The following PCDHGA7 variants were observed in gnomAD, a reference collection of about 807,000 sequenced individuals.
The protein encoded by PCDHGA7 is protocadherin gamma subfamily A, 7.
PCDHGA7 carries 44 observed loss-of-function variants against 58.3 expected under a neutral mutation model. The ratio of observed to expected loss-of-function variants is 0.75; its 90% CI spans 0.59 to 0.97. The LOEUF (loss-of-function observed/expected upper bound fraction) is 0.97, where lower values mean the gene tolerates loss of function less well. Ranked by LOEUF, PCDHGA7 falls within the 50% of genes least tolerant of loss-of-function variation. The pLI, the probability that PCDHGA7 is intolerant of heterozygous loss-of-function variation, is 0.00. For synonymous variants in PCDHGA7, 516 were observed against 504.2 expected (o/e 1.02, Z -0.31); for missense variants, 1,266 against 1,188.7 (o/e 1.06, Z -0.96).
intron 1 of PCDHGA7, chr5:141,422,767 G>T: frequency 6.2e-7 from 1 of 1,613,786 alleles, no homozygotes; most frequent in Non-Finnish European, 8.5e-7. Context: ...CAACACTGGT[G>T]TTCTCTATGC....
Position 141,491,170 on chromosome 5 carries a change from G to A in PCDHGA7, c.2425-3637G>A. The stretch of plus-strand genomic sequence containing the variant: ...GGAGGATGACTCTGACACCCAGCAG[G>A]TGGTGGTCCTGGTGAGGGACAATGG... On this transcript the variant is annotated intron_variant, in intron 1 of 3. Coordinates refer to ENST00000518325, the MANE Select transcript of PCDHGA7 (RefSeq NM_018920.4). The surrounding 1 kb of genome is among the most constrained non-coding windows in gnomAD (Gnocchi z 6.9). 6.2e-7 allele frequency: 1 copy of A among 1,614,176 alleles called. No individual in the cohort carries two copies. Among genetic ancestry groups the A allele is most frequent in the Non-Finnish European group, 8.5e-7 (1 of 1,179,996 alleles).
In PCDHGA7 at chr5:141,490,000, A is replaced by G. The variant is rs762999106; in HGVS notation, c.2425-4807A>G. The G allele has an allele frequency of 6.2e-7, 1 of 1,614,198 alleles. No individual in the cohort carries two copies. Among genetic ancestry groups the G allele is most frequent in the Admixed American group, 1.7e-5 (1 of 60,032 alleles). ...AGTTCTACGTGTGGGAATCCCAGAG[A>G]ATGCACCCATTGGTACTCTGCTGCT... On this transcript the variant is annotated intron_variant, in intron 1 of 3. Coordinates refer to ENST00000518325, the MANE Select transcript of PCDHGA7 (RefSeq NM_018920.4). The surrounding 1 kb of genome is among the most constrained non-coding windows in gnomAD (Gnocchi z 4.5).
intron 1 of PCDHGA7, among the ~76,000 whole-genome samples, chr5:141,437,064 G>T (rs1380953110): frequency 6.6e-6 from 1 of 152,170 alleles, no homozygotes; most frequent in Non-Finnish European, 1.5e-5. Flanking sequence ...ATCATTATTT[G>T]GTTTGGGCCA....
rs189987196 is a variant in PCDHGA7, at chr5:141,420,754, C to T, written c.2424+35431C>T. Among the ~76,000 whole-genome samples, 291 of 152,292 alleles carry T rather than the reference C, an allele frequency of 1.9e-3. 2 individuals carry two copies. The highest frequency in any genetic ancestry group is 3.6e-3 in the Non-Finnish European group (248 of 68,020). On this transcript the variant is annotated intron_variant, in intron 1 of 3. Coordinates refer to ENST00000518325, the MANE Select transcript of PCDHGA7 (RefSeq NM_018920.4). ...TAAAATCAATTGGAACCAACTACAA[C>T]CTACAAGTTTTCAGCTCCAGTAATA... is the stretch of plus-strand genomic sequence containing the variant.
rs2099883943 is a variant in PCDHGA7, at chr5:141,511,766, G to A, written c.*593G>A. ...TGGAGGACATGATCACCATCCCCAT[G>A]GTACTGATGCTTGCTGGATTTAGGG... On this transcript the variant is annotated 3_prime_UTR_variant, in exon 4 of 4. Coordinates refer to ENST00000518325, the MANE Select transcript of PCDHGA7 (RefSeq NM_018920.4). 2 of 161,712 alleles carry A rather than the reference G, an allele frequency of 1.2e-5. No homozygotes were observed. Among genetic ancestry groups the A allele is most frequent in the Non-Finnish European group, 2.8e-5 (2 of 72,704 alleles). The allele number at this position is 161,712 out of a possible 1,614,324, so 10.0% of individuals were successfully genotyped here.
chr5:141,392,841 C>A (rs1464167244), intron 1 of PCDHGA7: 2 of 1,608,680 alleles, frequency 1.2e-6, no homozygotes, highest in Non-Finnish European at 1.7e-6. Flanking sequence ...TCGCCCCAGA[C>A]GCGGCGAGCT....
intron 1 of PCDHGA7, chr5:141,397,890 A>G: frequency 3.2e-6 from 2 of 628,782 alleles, no homozygotes; most frequent in Non-Finnish European, 5.3e-6. Context: ...GCTGTTGGCC[A>G]AAGTGCAGAG....
In PCDHGA7 at chr5:141,486,223, C is replaced by G. The variant is rs1164723634; in HGVS notation, c.2425-8584C>G. ...ACGTAAATGACAATGCCCCTTACATCACAGTGACCTCAGAGCTTGGAACCC... is the reference window on the plus strand; with the variant it reads ...ACGTAAATGACAATGCCCCTTACATGACAGTGACCTCAGAGCTTGGAACCC... On this transcript the variant is annotated intron_variant, in intron 1 of 3. Coordinates refer to ENST00000518325, the MANE Select transcript of PCDHGA7 (RefSeq NM_018920.4). The surrounding 1 kb of genome is among the most constrained non-coding windows in gnomAD (Gnocchi z 5.0). The G allele has an allele frequency of 6.2e-7, 1 of 1,614,148 alleles. No homozygotes were observed. Among genetic ancestry groups the G allele is most frequent in the Admixed American group, 1.7e-5 (1 of 60,032 alleles).
Position 141,487,682 on chromosome 5 carries a change from G to A in PCDHGA7, c.2425-7125G>A, listed in dbSNP as rs757434520. On this transcript the variant is annotated intron_variant, in intron 1 of 3. Transcript: ENST00000518325. This position sits in a 1 kb window ranked among gnomAD's most constrained non-coding sequence, Gnocchi z 5.0. ...TGATCCAGGCATATGGCTAGGCCATGTCCTAGAGAGTACTGGCCTCTCAGT... is the reference window on the plus strand; with the variant it reads ...TGATCCAGGCATATGGCTAGGCCATATCCTAGAGAGTACTGGCCTCTCAGT... The A allele has an allele frequency of 1.2e-6, 2 of 1,607,256 alleles. No individual in the cohort carries two copies. Among genetic ancestry groups the A allele is most frequent in the East Asian group, 4.5e-5 (2 of 44,762 alleles).
rs1247556723 is a variant in PCDHGA7 at position 141,489,841 on chromosome 5, G to A, written c.2425-4966G>A. 6.2e-7 allele frequency: 1 copy of A among 1,614,224 alleles called. No individual in the cohort carries two copies. The highest frequency in any genetic ancestry group is 1.7e-5 in the Admixed American group (1 of 60,032). On this transcript the variant is annotated intron_variant, in intron 1 of 3. Coordinates refer to ENST00000518325, the MANE Select transcript of PCDHGA7 (RefSeq NM_018920.4). The surrounding 1 kb of genome is among the most constrained non-coding windows in gnomAD (Gnocchi z 4.5). Reference sequence around the variant, plus strand: ...AGAGCTGGTGCTAGAGCAGCAGCTGGATCGTGAAGCCCAGGCAAGACATCA... The same window carrying A: ...AGAGCTGGTGCTAGAGCAGCAGCTGAATCGTGAAGCCCAGGCAAGACATCA...
At chr5:141,429,924 A>T (rs2097252885) in intron 1 of PCDHGA7, among the ~76,000 whole-genome samples, 1 of 152,210 alleles carries the variant, frequency 6.6e-6, no homozygotes, top group Admixed American at 6.5e-5. Context: ...GTATTAATAG[A>T]ATTCTGGAGT....
chr5:141,491,537 C>T lies in PCDHGA7; in HGVS notation c.2425-3270C>T, dbSNP rs1330469043. The T allele has an allele frequency of 3.1e-6, 5 of 1,613,908 alleles. No homozygotes were observed. The highest frequency in any genetic ancestry group is 4.2e-6 in the Non-Finnish European group (5 of 1,180,020). On this transcript the variant is annotated intron_variant, in intron 1 of 3. Transcript: ENST00000518325. This position sits in a 1 kb window ranked among gnomAD's most constrained non-coding sequence, Gnocchi z 6.9. ...AAGTACATGGAGGTGACGCTGCGGC[C>T]CACAGACTCGCAGAGCCACTGCTAC...
In PCDHGA7 at chr5:141,491,534, G is replaced by A. The variant is rs376996144; in HGVS notation, c.2425-3273G>A. On this transcript the variant is annotated intron_variant, in intron 1 of 3. Coordinates refer to ENST00000518325, the MANE Select transcript of PCDHGA7 (RefSeq NM_018920.4). This position sits in a 1 kb window ranked among gnomAD's most constrained non-coding sequence, Gnocchi z 6.9. The stretch of plus-strand genomic sequence containing the variant: ...CTCAAGTACATGGAGGTGACGCTGC[G>A]GCCCACAGACTCGCAGAGCCACTGC... The A allele has an allele frequency of 6.2e-7, 1 of 1,614,030 alleles. No homozygotes were observed. The highest frequency in any genetic ancestry group is 8.5e-7 in the Non-Finnish European group (1 of 1,180,028).
chr5:141,387,555 A>G (rs1236867307), intron 1 of PCDHGA7: 10 of 410,246 alleles, frequency 2.4e-5, no homozygotes, highest in Non-Finnish European at 4.3e-5. Flanking sequence ...TCTTTCAGTT[A>G]GGCACACAAT....
At chr5:141,473,853 C>T (rs2099329853) in intron 1 of PCDHGA7, among the ~76,000 whole-genome samples, 1 of 152,128 alleles carries the variant, frequency 6.6e-6, no homozygotes, top group Non-Finnish European at 1.5e-5. Flanking sequence ...GGAAGATGAA[C>T]CTCGCTATTG....
rs756094875 is a variant in PCDHGA7 at position 141,419,594 on chromosome 5, C to T, written c.2424+34271C>T. 2.6e-5 allele frequency: 42 copies of T among 1,611,572 alleles called. No homozygotes were observed. Among genetic ancestry groups the T allele is most frequent in the Admixed American group, 3.3e-5 (2 of 59,964 alleles). ...CGGCTCCGCGCTCTTCGACACAGTG[C>T]CGCGGGCCGCGCAGCCAGGCTACCT... On this transcript the variant is annotated intron_variant, in intron 1 of 3. Transcript: ENST00000518325.
chr5:141,420,401 A>G, intron 1 of PCDHGA7: 1 of 1,249,172 alleles, frequency 8.0e-7, no homozygotes. Flanking sequence ...GGTCAAATTT[A>G]TGGTTATCAT....
Position 141,478,516 on chromosome 5 carries a change from G to A in PCDHGA7, c.2425-16291G>A, listed in dbSNP as rs769702987. The A allele has an allele frequency of 4.3e-6, 7 of 1,610,992 alleles. No homozygotes were observed. In the African/African-American group the frequency reaches 8.0e-5, roughly 18 times the overall value. ...GTGATCCGGTGTTCTATAGGCAGGT[G>A]TTGGGTGCAGAGAGCGCCCCTCCCG... On this transcript the variant is annotated intron_variant, in intron 1 of 3. Transcript: ENST00000518325.
At chr5:141,422,899 G>C (rs759972749) in intron 1 of PCDHGA7, 13 of 1,614,116 alleles carry the variant, frequency 8.1e-6, no homozygotes, top group Middle Eastern at 3.3e-4. Context: ...GGACCAGAAC[G>C]ACAATGCGCC....
Sources: gnomAD v4.1 joint callset for allele counts (sites outside exome capture counted in the v4.1 genomes callset) on GRCh38, gnomAD v4.1.1 for gene constraint, Gnocchi (gnomAD v3.1) non-coding constraint, MANE v1.5 for transcripts, NCBI Gene and HGNC (gene_info 2026-07-23, HGNC 2026-07-21) for gene names.